The following ANKRD30B variants were observed in gnomAD, a reference collection of about 807,000 sequenced individuals.
ANKRD30B encodes the protein ankyrin repeat domain-containing protein 30B.
Under a neutral mutation model 202.2 loss-of-function variants are expected in ANKRD30B, and 144 were observed. The observed-to-expected ratio is 0.71, with a 90% CI of 0.62 to 0.82. ANKRD30B has a LOEUF of 0.82. Among genes scored for constraint, ANKRD30B ranks in the 40% least tolerant of loss-of-function variants. The pLI is 0.00. For synonymous variants in ANKRD30B, 508 were observed against 561.3 expected, an observed-to-expected ratio of 0.91 and a Z score of 1.34; for missense variants, 1,487 against 1,669.1, an observed-to-expected ratio of 0.89 and a Z score of 1.90.
chr18:14,791,255 A>G, intron 15 of ANKRD30B, 146 bp from the exon 16 acceptor site: 2 of 611,878 alleles, frequency 3.3e-6, no homozygotes, highest in East Asian at 3.1e-5. Context: ...AAATGTTTTG[A>G]TTTTCTATAC....
At chr18:14,783,216 G>A (rs1030999804) in intron 12 of ANKRD30B, among the ~76,000 whole-genome samples, 1 of 152,098 alleles carries the variant, frequency 6.6e-6, no homozygotes. Flanking sequence ...TATACAGTCA[G>A]TATAGACCAA....
chr18:14,873,071 C>T, the ANKRD30B span, among the ~76,000 whole-genome samples: 2 of 152,046 alleles, frequency 1.3e-5, no homozygotes, highest in African/African-American at 4.8e-5. Flanking sequence ...TAAATAGATA[C>T]ATAAATACTT....
At chr18:14,881,636 G>A in the ANKRD30B span, among the ~76,000 whole-genome samples, 1 of 152,022 alleles carries the variant, frequency 6.6e-6, no homozygotes, top group Non-Finnish European at 1.5e-5. Context: ...TCTGTCTTGT[G>A]GAATAGTGTG....
At chr18:14,907,315 GA>G in the ANKRD30B span, among the ~76,000 whole-genome samples, 4,164 of 148,298 alleles carry the variant, frequency 0.028, 207 homozygotes, top group African/African-American at 0.097. Context: ...CAATTTTACT[GA>G]AAAAAAAAAG....
chr18:14,748,268 C>T lies in ANKRD30B; in HGVS notation c.-152C>T. 1 of 580,866 alleles carries T rather than the reference C, an allele frequency of 1.7e-6. No individual in the cohort carries two copies. The highest frequency in any genetic ancestry group is 2.9e-6 in the Non-Finnish European group (1 of 340,198). The allele number at this position is 580,866 out of a possible 1,614,324, so 36.0% of individuals were successfully genotyped here. A position where few individuals can be genotyped will look rare whatever the true frequency, so the allele number is the denominator to read the frequency against. ...GAGCTTGGCGATACAGAAATTTCTG[C>T]TGGTGTTGGGGCGGGTGCGGGAACT... is the stretch of plus-strand genomic sequence containing the variant. On this transcript the variant is annotated 5_prime_UTR_variant, in exon 1 of 44. Transcript: ENST00000690538.
intron 34 of ANKRD30B, among the ~76,000 whole-genome samples, chr18:14,832,586 A>C (rs1415367035): frequency 6.6e-6 from 1 of 152,226 alleles, no homozygotes; most frequent in East Asian, 1.9e-4. Flanking sequence ...GTGTACCCAG[A>C]ATACAGTCTT....
chr18:14,778,096 A>G (rs1408404975), intron 10 of ANKRD30B, 21 bp downstream of exon 10: 2 of 1,461,876 alleles, frequency 1.4e-6, no homozygotes, highest in Admixed American at 4.1e-5. Context: ...TTTTTTATTT[A>G]AAACATCTTT....
intron 9 of ANKRD30B, among the ~76,000 whole-genome samples, chr18:14,775,650 CTT>C (rs1567998696): frequency 6.6e-6 from 1 of 152,182 alleles, no homozygotes; most frequent in Non-Finnish European, 1.5e-5. Flanking sequence ...AAATAGAACT[CTT>C]TGAGTTTCTT....
the ANKRD30B span, among the ~76,000 whole-genome samples, chr18:14,905,090 A>G: frequency 3.8e-4 from 58 of 152,332 alleles, no homozygotes; most frequent in African/African-American, 1.3e-3. Flanking sequence ...GCACCAGGAC[A>G]GTTTACAAAT....
chr18:14,780,445 CA>C (rs371215822), intron 11 of ANKRD30B, among the ~76,000 whole-genome samples: 18,852 of 141,454 alleles, frequency 0.13, 1,411 homozygotes, highest in Admixed American at 0.2. Context: ...ACTCTGTCTC[CA>C]AAAAAAAAAT....
intron 32 of ANKRD30B, among the ~76,000 whole-genome samples, chr18:14,826,658 C>T (rs1470041414): frequency 3.0e-5 from 4 of 133,798 alleles, no homozygotes; most frequent in Non-Finnish European, 4.7e-5. Flanking sequence ...TGTATTGTTT[C>T]TCTCTCTCTC....
intron 4 of ANKRD30B, among the ~76,000 whole-genome samples, chr18:14,756,848 T>C (rs1458384515): frequency 6.6e-6 from 1 of 152,126 alleles, no homozygotes; most frequent in Non-Finnish European, 1.5e-5. Context: ...GCTGAGATCA[T>C]GCTACCACAC....
chr18:14,804,852 C>A (rs1969405654), intron 24 of ANKRD30B, among the ~76,000 whole-genome samples: 1 of 150,724 alleles, frequency 6.6e-6, no homozygotes, highest in African/African-American at 2.5e-5. Flanking sequence ...GATTATGAGG[C>A]AGGAAGCAGG....
chr18:14,855,867 C>A (rs59154653), downstream of ANKRD30B, among the ~76,000 whole-genome samples: 17,531 of 148,718 alleles, frequency 0.12, 332 homozygotes, highest in East Asian at 0.24. Flanking sequence ...CGCGGCCAGG[C>A]AGAGGTGCTC....
the ANKRD30B span, among the ~76,000 whole-genome samples, chr18:14,921,054 AGGGGGAAGAAAGGT>A: frequency 6.6e-6 from 1 of 152,220 alleles, no homozygotes; most frequent in African/African-American, 2.4e-5. Flanking sequence ...GAGCATAATA[AGGGGGAAGAAAGGT>A]GGAGCCCAGT....
At chr18:14,864,668 ATCC>A in the ANKRD30B span, among the ~76,000 whole-genome samples, 1 of 140,792 alleles carries the variant, frequency 7.1e-6, no homozygotes, top group African/African-American at 2.7e-5. Flanking sequence ...TGCTCTCATC[ATCC>A]TCTTTTGCTC....
At chr18:14,776,371 T>C (rs1180711889) in intron 9 of ANKRD30B, among the ~76,000 whole-genome samples, 2 of 152,126 alleles carry the variant, frequency 1.3e-5, no homozygotes, top group East Asian at 1.9e-4. Flanking sequence ...TTAGAGAAAA[T>C]TGGAGAACTT....
intron 9 of ANKRD30B, 89 bp downstream of exon 9, chr18:14,772,317 C>A: frequency 1.3e-6 from 1 of 744,634 alleles, no homozygotes; most frequent in South Asian, 4.5e-5. Flanking sequence ...ATCATTATTT[C>A]ATGTTGGTAA....
At chr18:14,899,450 A>C in the ANKRD30B span, among the ~76,000 whole-genome samples, 1 of 152,306 alleles carries the variant, frequency 6.6e-6, no homozygotes, top group African/African-American at 2.4e-5. Context: ...TGCTTTAAAA[A>C]AATTAGCTCA....
Sources: gnomAD v4.1 joint callset for allele counts (sites outside exome capture counted in the v4.1 genomes callset) on GRCh38, gnomAD v4.1.1 for gene constraint, MANE v1.5 for transcripts, NCBI Gene and HGNC (gene_info 2026-07-23, HGNC 2026-07-21) for gene names.